ACCS: variants seen among roughly 807,000 people sequenced by gnomAD.
The protein encoded by ACCS is 1-aminocyclopropane-1-carboxylate synthase-like protein 1.
In ACCS, 42 loss-of-function variants were observed where a neutral mutation model predicts 59.8. The ratio of observed to expected loss-of-function variants is 0.70; its 90% CI spans 0.55 to 0.91. ACCS has a LOEUF of 0.91. Among genes scored for constraint, ACCS ranks in the 40% least tolerant of loss-of-function variants. The probability of loss-of-function intolerance (pLI) is 0.00; values close to 1 mark genes in which losing one functional copy is unlikely to be tolerated. For synonymous variants in ACCS, 230 were observed against 240.3 expected, an observed-to-expected ratio of 0.96 and a Z score of 0.40; for missense variants, 602 against 630.4, an observed-to-expected ratio of 0.95 and a Z score of 0.48.
chr11:44,073,273 T>A (rs563371052), intron 3 of ACCS, 174 bp from the exon 4 acceptor site: 1 of 665,780 alleles, frequency 1.5e-6, no homozygotes, highest in East Asian at 2.8e-5. Context: ...GTGACCTCAC[T>A]TTTTTGGACC....
In ACCS at chr11:44,083,246, A is replaced by G; in HGVS notation, c.1189A>G (p.Arg397Gly). The G allele has an allele frequency of 1.2e-6, 2 of 1,614,176 alleles. No homozygotes were observed. The highest frequency in any genetic ancestry group is 1.1e-5 in the South Asian group (1 of 91,086). The change falls in exon 13 of 15, where the codon AGG (arginine) becomes GGG (glycine). Residue 397 changes from arginine (R) to glycine (G), a missense_variant. Transcript: ENST00000263776. Reference sequence around the variant, plus strand: ...CCACACCTATGTCTCAGAAGAGCTTAGGGCATTGGGGATCCCCTTCTTGAG... The same window carrying G: ...CCACACCTATGTCTCAGAAGAGCTTGGGGCATTGGGGATCCCCTTCTTGAG... ...AAHTYVSEEL[R>G]ALGIPFLSRG...
chr11:44,071,348 C>A, intron 3 of ACCS, 33 bp downstream of exon 3: 1 of 1,608,580 alleles, frequency 6.2e-7, no homozygotes, highest in Non-Finnish European at 8.5e-7. Flanking sequence ...GGGGCATCAC[C>A]AGCTCCGAGG....
Position 44,077,783 on chromosome 11 carries a change from A to G in ACCS, c.655-62A>G, listed in dbSNP as rs377437583. ...GGGGAGGAGAGGCCTGAGAGTTCAT[A>G]TGTATTTTGGGGGGCAATGGTCACT... is the stretch of plus-strand genomic sequence containing the variant. On this transcript the variant is annotated intron_variant, in intron 7 of 14. Transcript: ENST00000263776. 43 of 1,587,936 alleles carry G rather than the reference A, an allele frequency of 2.7e-5. 1 individual carries two copies. In the South Asian group the frequency reaches 4.3e-4, roughly 16 times the overall value.
chr11:44,077,178 C>T, intron 6 of ACCS, 101 bp from the exon 7 acceptor site: 1 of 1,345,250 alleles, frequency 7.4e-7, no homozygotes, highest in Non-Finnish European at 1.0e-6. Context: ...AAACGGTCCC[C>T]AAAGAAGTTA....
chr11:44,078,297 G>A, intron 8 of ACCS: 1 of 322,498 alleles, frequency 3.1e-6, no homozygotes, highest in Non-Finnish European at 5.6e-6. Flanking sequence ...GGGAGCTGAG[G>A]ACTCCCAAAG....
Position 44,077,195 on chromosome 11 carries a change from T to C in ACCS, c.557-84T>C, listed in dbSNP as rs1953407364. ...ACGGTCCCCAAAGAAGTTAAAGGCT[T>C]GGAGAGGGACTGGGGACAGTGGACA... On this transcript the variant is annotated intron_variant, in intron 6 of 14. Coordinates refer to ENST00000263776, the MANE Select transcript of ACCS (RefSeq NM_032592.4). 5 of 1,445,360 alleles carry C rather than the reference T, an allele frequency of 3.5e-6. No individual in the cohort carries two copies. The South Asian group carries it at 4.1e-5, about 12-fold the overall frequency. 89.5% of individuals were successfully genotyped at this position (1,445,360 alleles called of 1,614,324 possible). A position where few individuals can be genotyped will look rare whatever the true frequency, so the allele number is the denominator to read the frequency against.
At chr11:44,079,475 G>T in intron 9 of ACCS, 56 bp from the exon 10 acceptor site, 1 of 1,455,056 alleles carries the variant, frequency 6.9e-7, no homozygotes, top group African/African-American at 1.4e-5. Context: ...CCCACCCTGT[G>T]GGACGCATCT....
rs748399522 is a variant in ACCS, at chr11:44,079,582, G to A, written c.885G>A (p.Glu295=). The A allele has an allele frequency of 2.5e-6, 4 of 1,612,292 alleles. No individual in the cohort carries two copies. Among genetic ancestry groups the A allele is most frequent in the Non-Finnish European group, 3.4e-6 (4 of 1,179,534 alleles). Residue 295 remains glutamate, a synonymous_variant, in exon 10 of 15, where the codon GAG becomes GAA. Transcript: ENST00000263776. ...VDEVYMLSVF[E]KSVGYRSVLS... is the part of the protein sequence containing the mutation. ...AGGTCTACATGCTGTCCGTGTTTGA[G>A]AAGTCTGTTGGGTACCGCAGTGTCC...
At chr11:44,082,878 G>C (rs182219365) in intron 12 of ACCS, among the ~76,000 whole-genome samples, 4 of 152,288 alleles carry the variant, frequency 2.6e-5, no homozygotes, top group Admixed American at 2.0e-4. Context: ...TTTAGAACTA[G>C]ATAAACATTG....
At chr11:44,082,397 T>A (rs1055251682) in intron 12 of ACCS, among the ~76,000 whole-genome samples, 2 of 152,236 alleles carry the variant, frequency 1.3e-5, no homozygotes, top group Non-Finnish European at 1.5e-5. Context: ...CTTCCACAGA[T>A]GTGTGGATGC....
chr11:44,080,605 G>A (rs780092007), intron 10 of ACCS: 82 of 192,470 alleles, frequency 4.3e-4, no homozygotes, highest in Non-Finnish European at 7.9e-4. Flanking sequence ...CCATTTTAGC[G>A]GCTAAATGCA....
intron 8 of ACCS, chr11:44,078,473 T>G: frequency 8.3e-6 from 4 of 480,474 alleles, no homozygotes; most frequent in Non-Finnish European, 1.5e-5. Context: ...CCTACTGGTA[T>G]TTGGGTATAT....
rs1952857420 is a variant in ACCS, at chr11:44,067,716, A to G, written c.89A>G (p.Glu30Gly). ...CMQDLGSSHG[E>G]DLEGECSRKL... The stretch of plus-strand genomic sequence containing the variant: ...CAGGACCTGGGCAGTAGCCATGGGG[A>G]AGATCTGGAAGGAGAATGCTCCAGA... The change falls in exon 2 of 15, where the codon GAA (glutamate) becomes GGA (glycine). Residue 30 changes from glutamate (E) to glycine (G), a missense_variant. Glu to Gly is a moderately conservative substitution (Grantham distance 98, BLOSUM62 -2). Transcript: ENST00000263776. 6 of 1,614,204 alleles carry G rather than the reference A, an allele frequency of 3.7e-6. No homozygotes were observed. Among genetic ancestry groups the G allele is most frequent in the Non-Finnish European group, 5.1e-6 (6 of 1,180,038 alleles).
intron 10 of ACCS, 132 bp downstream of exon 10, chr11:44,079,752 C>A: frequency 5.6e-6 from 4 of 717,160 alleles, no homozygotes; most frequent in Non-Finnish European, 9.4e-6. Flanking sequence ...TCCCACTGGT[C>A]CTCAGATCTA....
In ACCS at chr11:44,071,329, C is replaced by T; in HGVS notation, c.348+14C>T. 2 of 1,613,286 alleles carry T rather than the reference C, an allele frequency of 1.2e-6. No individual in the cohort carries two copies. Reference sequence around the variant, plus strand: ...CTGTCCTGGCGGGTAAGTCCTAGGGCCCCTCTAGGGGGCATCACCAGCTCC... The same window carrying T: ...CTGTCCTGGCGGGTAAGTCCTAGGGTCCCTCTAGGGGGCATCACCAGCTCC... On this transcript the variant is annotated intron_variant, in intron 3 of 14. Coordinates refer to ENST00000263776, the MANE Select transcript of ACCS (RefSeq NM_032592.4).
At chr11:44,081,371 C>A (rs755265385) in intron 12 of ACCS, 51 bp downstream of exon 12, 2 of 1,602,098 alleles carry the variant, frequency 1.2e-6, no homozygotes, top group Non-Finnish European at 1.7e-6. Flanking sequence ...TTGGAGGCAG[C>A]CTGGGAACAG....
chr11:44,077,136 T>TCCCCAAA (rs1953402248), intron 6 of ACCS, 143 bp from the exon 7 acceptor site: 1 of 863,846 alleles, frequency 1.2e-6, no homozygotes, highest in South Asian at 2.1e-5. Context: ...CTTTCCAAAG[T>TCCCCAAA]GTTTTGGGAG....
intron 12 of ACCS, chr11:44,082,229 G>A (rs1313457680): frequency 6.6e-6 from 1 of 152,172 alleles, no homozygotes; most frequent in Non-Finnish European, 1.5e-5. Flanking sequence ...GAATTCAGCA[G>A]TTTCTTATAA....
Position 44,083,498 on chromosome 11 carries a change from C to G in ACCS, c.1329C>G (p.Ser443=). ...TTTTGGACAACAAGGTGCTGCTGTCCTTTGGCAAGGCCTTCGAGTGTAAAG... is the reference window on the plus strand; with the variant it reads ...TTTTGGACAACAAGGTGCTGCTGTCGTTTGGCAAGGCCTTCGAGTGTAAAG... ...RRFLDNKVLL[S]FGKAFECKEP... Residue 443 remains serine (S), a synonymous_variant, in exon 14 of 15, where the codon TCC becomes TCG. Transcript: ENST00000263776. The G allele has an allele frequency of 6.2e-7, 1 of 1,614,238 alleles. No individual in the cohort carries two copies. Among genetic ancestry groups the G allele is most frequent in the Non-Finnish European group, 8.5e-7 (1 of 1,180,038 alleles).
Sources: allele counts gnomAD v4.1 joint callset (sites outside exome capture counted in the v4.1 genomes callset), GRCh38; gene constraint gnomAD v4.1.1; transcripts MANE v1.5; gene names NCBI Gene and HGNC (gene_info 2026-07-23, HGNC 2026-07-21).